The following ARHGEF33 variants were observed in gnomAD, a reference collection of about 807,000 sequenced individuals.
ARHGEF33 encodes DH and coiled-coil domain-containing protein ENSP00000381780.
Under a neutral mutation model 101.9 loss-of-function variants are expected in ARHGEF33, and 72 were observed. The observed-to-expected ratio is 0.71, with a 90% CI of 0.58 to 0.86. The LOEUF (loss-of-function observed/expected upper bound fraction) is 0.86, where lower values mean the gene tolerates loss of function less well. Among genes scored for constraint, ARHGEF33 ranks in the 40% least tolerant of loss-of-function variants. ARHGEF33 has a pLI of 0.00. For synonymous variants in ARHGEF33, 499 were observed against 442.5 expected (o/e 1.13, Z -1.60); for missense variants, 1,169 against 1,111.3 (o/e 1.05, Z -0.74).
At chr2:38,942,053 A>G (rs1572762958) in intron 9 of ARHGEF33, among the ~76,000 whole-genome samples, 1 of 141,056 alleles carries the variant, frequency 7.1e-6, no homozygotes, top group Non-Finnish European at 1.5e-5. Context: ...CTTCTCATCC[A>G]TTTTCTTTCT....
intron 4 of ARHGEF33, among the ~76,000 whole-genome samples, chr2:38,922,656 A>G (rs1666784715): frequency 6.6e-6 from 1 of 152,206 alleles, no homozygotes; most frequent in South Asian, 2.1e-4. Context: ...TGGCAGATTA[A>G]ACAGATGAAA....
intron 17 of ARHGEF33, among the ~76,000 whole-genome samples, chr2:38,968,258 A>T (rs1401398691): frequency 6.6e-6 from 1 of 152,160 alleles, no homozygotes; most frequent in Non-Finnish European, 1.5e-5. Context: ...GAATGGATTC[A>T]TGGGATGCCT....
chr2:38,926,995 G>T (rs1666888169), intron 4 of ARHGEF33, among the ~76,000 whole-genome samples: 1 of 152,146 alleles, frequency 6.6e-6, no homozygotes, highest in Admixed American at 6.5e-5. Flanking sequence ...GAAAGTGGTT[G>T]ATCTGGTGAT....
In ARHGEF33 at chr2:38,937,525, C is replaced by T. The variant is rs761473413; in HGVS notation, c.756C>T (p.Ser252=). 19 of 1,549,778 alleles carry T rather than the reference C, an allele frequency of 1.2e-5. No homozygotes were observed. In the African/African-American group the frequency reaches 2.2e-4, roughly 18 times the overall value. The part of the protein sequence containing the change: ...LKEAGQGRHS[S]LENVLCETSL... The stretch of plus-strand genomic sequence containing the variant: ...AGGCTGGCCAGGGTAGACACAGCTC[C>T]TTGGAAAACGTTTTATGTGAAACCT... Residue 252 remains serine, a synonymous_variant, in exon 9 of 18, where the codon TCC becomes TCT. Transcript: ENST00000409978.
chr2:38,908,224 T>C (rs1666436476), intron 2 of ARHGEF33, among the ~76,000 whole-genome samples: 1 of 151,992 alleles, frequency 6.6e-6, no homozygotes, highest in Non-Finnish European at 1.5e-5. Context: ...GTTTGAAAGA[T>C]TGAGATTAAA....
chr2:38,929,678 A>G (rs1234792734), intron 5 of ARHGEF33, 31 bp from the exon 6 acceptor site: 4 of 1,542,392 alleles, frequency 2.6e-6, no homozygotes, highest in Non-Finnish European at 3.5e-6. Context: ...CCCATGTACC[A>G]CGTTAAAACA....
intron 9 of ARHGEF33, among the ~76,000 whole-genome samples, chr2:38,942,944 T>G (rs1432458335): frequency 6.6e-6 from 1 of 152,184 alleles, no homozygotes; most frequent in East Asian, 1.9e-4. Context: ...TTTTTGTTTT[T>G]TGAGAGAGAG....
chr2:38,929,812 C>G lies in ARHGEF33; in HGVS notation c.344C>G (p.Ser115Cys), dbSNP rs1666953765. The change falls in exon 6 of 18, where the codon TCT becomes TGT. Residue 115 changes from serine to cysteine, a missense_variant. Transcript: ENST00000409978. ...CTTCAACAGGAGAAGCGAAGAGAAT[C>G]TCGAAAAGTTAAAGCCAAGTGAGTG... ...EQLQQEKRRE[S>C]RKVKAKKTQK... 2 of 1,551,362 alleles carry G rather than the reference C, an allele frequency of 1.3e-6. No individual in the cohort carries two copies. The highest frequency in any genetic ancestry group is 1.7e-6 in the Non-Finnish European group (2 of 1,146,772).
intron 2 of ARHGEF33, among the ~76,000 whole-genome samples, chr2:38,902,269 G>A (rs919075242): frequency 6.6e-6 from 1 of 152,096 alleles, no homozygotes; most frequent in Non-Finnish European, 1.5e-5. Flanking sequence ...GAGTCATAAT[G>A]TTGGCGACAG....
chr2:38,906,690 G>A (rs1666399155), intron 2 of ARHGEF33, among the ~76,000 whole-genome samples: 1 of 151,820 alleles, frequency 6.6e-6, no homozygotes. Context: ...ACTCGGCTGG[G>A]TGCAGTGGCT....
rs150173422 is a variant in ARHGEF33 at position 38,923,713 on chromosome 2, A to G, written c.75+2290A>G. ...TGCTTTGAGCCAAGAGGTCTCATGC[A>G]GTCATTCAGTCTTGTGCCAAACAGT... On this transcript the variant is annotated intron_variant, in intron 4 of 17. Transcript: ENST00000409978. 1.8e-4 allele frequency among the ~76,000 whole-genome samples: 28 copies of G among 152,342 alleles called. 1 individual carries two copies. The South Asian group carries it at 3.3e-3, about 18-fold the overall frequency.
At chr2:38,931,892 C>G (rs1215789346) in intron 7 of ARHGEF33, among the ~76,000 whole-genome samples, 1 of 152,122 alleles carries the variant, frequency 6.6e-6, no homozygotes, top group Non-Finnish European at 1.5e-5. Flanking sequence ...ATGACATTTC[C>G]TCTTATTTAT....
chr2:38,933,071 TA>T (rs1378735900), intron 7 of ARHGEF33, among the ~76,000 whole-genome samples: 1 of 152,326 alleles, frequency 6.6e-6, no homozygotes, highest in East Asian at 1.9e-4. Flanking sequence ...TTCAGTAGCT[TA>T]AAATAGCAAA....
intron 16 of ARHGEF33, among the ~76,000 whole-genome samples, chr2:38,962,041 G>T (rs894697493): frequency 6.6e-6 from 1 of 152,180 alleles, no homozygotes; most frequent in Non-Finnish European, 1.5e-5. Flanking sequence ...GAAAGTCTGT[G>T]TCTGGTCCCT....
chr2:38,947,648 T>C (rs1558438628), intron 10 of ARHGEF33, among the ~76,000 whole-genome samples: 1 of 152,214 alleles, frequency 6.6e-6, no homozygotes. Flanking sequence ...ATCACAGAAG[T>C]TGGAGTTCTG....
chr2:38,903,717 A>G (rs1469764795), intron 2 of ARHGEF33, among the ~76,000 whole-genome samples: 2 of 152,216 alleles, frequency 1.3e-5, no homozygotes, highest in South Asian at 2.1e-4. Context: ...TTATGACCCT[A>G]TAACTCTGCA....
At chr2:38,906,705 C>G (rs1045387728) in intron 2 of ARHGEF33, among the ~76,000 whole-genome samples, 1 of 151,236 alleles carries the variant, frequency 6.6e-6, no homozygotes, top group Non-Finnish European at 1.5e-5. Context: ...GTGGCTCATG[C>G]CTGTAATAAT....
intron 2 of ARHGEF33, among the ~76,000 whole-genome samples, chr2:38,903,714 C>T (rs1011941314): frequency 6.6e-6 from 1 of 152,038 alleles, no homozygotes; most frequent in Admixed American, 6.6e-5. Flanking sequence ...ATTTTATGAC[C>T]CTATAACTCT....
chr2:38,932,416 C>T (rs781201369), intron 7 of ARHGEF33, among the ~76,000 whole-genome samples: 16 of 151,640 alleles, frequency 1.1e-4, no homozygotes, highest in South Asian at 2.1e-4. Flanking sequence ...CGTGAGCCAC[C>T]GTGCCCGGCT....
Sources: gnomAD v4.1 joint callset for allele counts (sites outside exome capture counted in the v4.1 genomes callset) on GRCh38, gnomAD v4.1.1 for gene constraint, MANE v1.5 for transcripts, NCBI Gene and HGNC (gene_info 2026-07-23, HGNC 2026-07-21) for gene names.